Variants in SH3PXD2A observed in about 807,000 individuals in gnomAD.
SH3PXD2A encodes SH3 and PX domains 2A.
In SH3PXD2A, 32 loss-of-function variants were observed where a neutral mutation model predicts 115.2. That is an observed-to-expected ratio of 0.28 (90% CI 0.21 to 0.37). The LOEUF (loss-of-function observed/expected upper bound fraction) is 0.37. Ranked by LOEUF, SH3PXD2A falls within the 10% of genes least tolerant of loss-of-function variation. The pLI is 1.00. For synonymous variants in SH3PXD2A, 610 were observed against 629.1 expected (o/e 0.97, Z 0.45); for missense variants, 1,328 against 1,498.7 (o/e 0.89, Z 1.88).
intron 6 of SH3PXD2A, chr10:103,678,183 T>G: frequency 1.6e-6 from 2 of 1,287,366 alleles, no homozygotes; most frequent in Non-Finnish European, 2.0e-6. Flanking sequence ...CAGGGCTTGG[T>G]GCAGCCTCCC....
intron 8 of SH3PXD2A, among the ~76,000 whole-genome samples, chr10:103,657,015 C>T (rs777125745): frequency 4.6e-5 from 7 of 151,238 alleles, no homozygotes; most frequent in Non-Finnish European, 8.8e-5. Context: ...TTCTGTTCTC[C>T]GCTCACAACT....
chr10:103,689,760 G>A (rs1312475228), intron 6 of SH3PXD2A, among the ~76,000 whole-genome samples: 1 of 151,996 alleles, frequency 6.6e-6, no homozygotes, highest in Non-Finnish European at 1.5e-5. Flanking sequence ...GATGCTGGAA[G>A]GAGCAGGTTC....
chr10:103,795,901 GAA>G (rs1270333787), intron 2 of SH3PXD2A, among the ~76,000 whole-genome samples: 177 of 120,876 alleles, frequency 1.5e-3, no homozygotes, highest in African/African-American at 5.2e-3. Flanking sequence ...AGGGAGGGAG[GAA>G]AAGGAAGGAA....
At chr10:103,774,499 A>G (rs2038860176) in intron 2 of SH3PXD2A, among the ~76,000 whole-genome samples, 1 of 152,192 alleles carries the variant, frequency 6.6e-6, no homozygotes, top group South Asian at 2.1e-4. Flanking sequence ...GTCGTTCAAC[A>G]TCTGGGCCAT....
chr10:103,832,752 G>A (rs34642741), intron 1 of SH3PXD2A, among the ~76,000 whole-genome samples: 3 of 152,328 alleles, frequency 2.0e-5, no homozygotes, highest in Middle Eastern at 3.4e-3. Context: ...CACTGGGGCA[G>A]GGTGGGGGAG....
rs116655202 is a variant in SH3PXD2A at position 103,809,529 on chromosome 10, C to T, written c.73-8167G>A. Among the ~76,000 whole-genome samples the T allele has an allele frequency of 5.7e-3, 865 of 152,284 alleles. 12 individuals carry two copies. Among genetic ancestry groups the T allele is most frequent in the African/African-American group, 0.02 (822 of 41,552 alleles). ...TGGGGAAAAGGGTTTTTAAAAGAGA[C>T]TCAGAGGAGGGGACAATGGCAAATG... On this transcript the variant is annotated intron_variant, in intron 1 of 14. Coordinates refer to ENST00000369774, the MANE Select transcript of SH3PXD2A (RefSeq NM_001394015.1).
In SH3PXD2A at chr10:103,603,558, C is replaced by T; in HGVS notation, c.1660G>A (p.Glu554Lys). The change falls in exon 15 of 15, where the codon GAG (glutamate) becomes AAG (lysine). Residue 554 changes from glutamate (E) to lysine (K), a missense_variant. Physicochemically the swap from Glu to Lys is moderately conservative, Grantham distance 56. Transcript: ENST00000369774. The stretch of plus-strand genomic sequence containing the variant: ...GCAGGGATGTCATACTCAGGCTCCT[C>T]ATACTTGAGCTTCCGCGGGGAGTCC... ...SQDSPRKLKYEEPEYDIPAFG... is the reference protein window; with the variant it reads ...SQDSPRKLKYKEPEYDIPAFG... 1 of 1,612,528 alleles carries T rather than the reference C, an allele frequency of 6.2e-7. No homozygotes were observed. Among genetic ancestry groups the T allele is most frequent in the Non-Finnish European group, 8.5e-7 (1 of 1,179,214 alleles).
intron 2 of SH3PXD2A, among the ~76,000 whole-genome samples, chr10:103,793,867 C>T (rs1264465485): frequency 3.9e-5 from 6 of 152,230 alleles, no homozygotes. Flanking sequence ...TCTTGGCACA[C>T]ACTGGGATCA....
chr10:103,725,483 C>T (rs993987637), intron 4 of SH3PXD2A, among the ~76,000 whole-genome samples: 2 of 152,086 alleles, frequency 1.3e-5, no homozygotes, highest in African/African-American at 4.8e-5. Context: ...GCCTGTCATC[C>T]AGGCATGGGG....
rs148367705 is a variant in SH3PXD2A, at chr10:103,672,912, C to A, written c.428-4260G>T. On this transcript the variant is annotated intron_variant, in intron 6 of 14. Coordinates refer to ENST00000369774, the MANE Select transcript of SH3PXD2A (RefSeq NM_001394015.1). ...GCCATGGCTGTCCGTCCTGGCATTG[C>A]TCGCAATACCAGCAAGAAGCCAGGC... 7.8e-3 allele frequency among the ~76,000 whole-genome samples: 1,192 copies of A among 152,318 alleles called. 14 individuals are homozygous for A. The highest frequency in any genetic ancestry group is 0.025 in the African/African-American group (1,050 of 41,548).
chr10:103,660,119 G>T (rs779738601), intron 8 of SH3PXD2A, among the ~76,000 whole-genome samples: 5 of 152,116 alleles, frequency 3.3e-5, no homozygotes, highest in Non-Finnish European at 7.4e-5. Flanking sequence ...GAGCACAGGG[G>T]CCTTCCCTGC....
At chr10:103,611,506 T>C in intron 13 of SH3PXD2A, 75 bp downstream of exon 13, 1 of 1,331,360 alleles carries the variant, frequency 7.5e-7, no homozygotes, top group Non-Finnish European at 1.1e-6. Context: ...TGCCGCAAGA[T>C]AGCCAATTGA....
chr10:103,602,765 C>T lies in SH3PXD2A; in HGVS notation c.2453G>A (p.Ser818Asn). Residue 818 changes from serine to asparagine, a missense_variant, in exon 15 of 15, where the codon AGC (serine) becomes AAC (asparagine). By Grantham distance (46) the Ser-to-Asn change is conservative (BLOSUM62 1). Coordinates refer to ENST00000369774, the MANE Select transcript of SH3PXD2A (RefSeq NM_001394015.1). ...TGGGAGGGTGATGAGGTCGGATGAG[C>T]TTCTCCTAGACCCCTCACTGGGAGC... Reference protein sequence around the residue: ...SEAPSEGSRRSSSDLITLPAT... With the variant: ...SEAPSEGSRRNSSDLITLPAT... The T allele has an allele frequency of 6.2e-7, 1 of 1,614,036 alleles. No homozygotes were observed. The highest frequency in any genetic ancestry group is 8.5e-7 in the Non-Finnish European group (1 of 1,179,960).
Position 103,694,740 on chromosome 10 carries a change from T to C in SH3PXD2A, c.399-1684A>G, listed in dbSNP as rs1358871905. ...CAATCTGGGGAAGGGCTGTGGTTTATAAGCCCACTGGAAGGAATAAAAACT... is the reference window on the plus strand; with the variant it reads ...CAATCTGGGGAAGGGCTGTGGTTTACAAGCCCACTGGAAGGAATAAAAACT... On this transcript the variant is annotated intron_variant, in intron 5 of 14. Transcript: ENST00000369774. Among the ~76,000 whole-genome samples, 3 of 152,060 alleles carry C rather than the reference T, an allele frequency of 2.0e-5. No individual in the cohort carries two copies. In the East Asian group the frequency reaches 5.8e-4, roughly 29 times the overall value.
At chr10:103,785,907 G>A (rs2038976287) in intron 2 of SH3PXD2A, among the ~76,000 whole-genome samples, 1 of 151,914 alleles carries the variant, frequency 6.6e-6, no homozygotes, top group East Asian at 2.0e-4. Context: ...CTCCGGGGAG[G>A]CTGACATAAG....
chr10:103,631,973 G>A (rs932249958), intron 8 of SH3PXD2A, among the ~76,000 whole-genome samples: 1 of 152,000 alleles, frequency 6.6e-6, no homozygotes, highest in Non-Finnish European at 1.5e-5. Flanking sequence ...TGTTAATAGC[G>A]CACGGTTCTG....
intron 2 of SH3PXD2A, among the ~76,000 whole-genome samples, chr10:103,769,123 T>C (rs2038788669): frequency 6.7e-6 from 1 of 149,922 alleles, no homozygotes. Flanking sequence ...AGCATGGTTC[T>C]AGGCTAGACT....
chr10:103,624,091 C>T (rs561266934), intron 9 of SH3PXD2A, among the ~76,000 whole-genome samples: 109 of 152,326 alleles, frequency 7.2e-4, no homozygotes, highest in African/African-American at 2.6e-3. Context: ...CATGTGAATC[C>T]AGGCAGTCTG....
At chr10:103,721,348 C>A (rs1472858920) in intron 5 of SH3PXD2A, among the ~76,000 whole-genome samples, 1 of 152,202 alleles carries the variant, frequency 6.6e-6, no homozygotes, top group Non-Finnish European at 1.5e-5. Flanking sequence ...CAGGGCCTGG[C>A]CCCAGAGCCT....
Sources: gnomAD v4.1 joint callset for allele counts (sites outside exome capture counted in the v4.1 genomes callset) on GRCh38, gnomAD v4.1.1 for gene constraint, MANE v1.5 for transcripts, NCBI Gene and HGNC (gene_info 2026-07-23, HGNC 2026-07-21) for gene names.